The following ERO1B variants were observed in gnomAD, a reference collection of about 807,000 sequenced individuals.
The protein encoded by ERO1B is ERO1-like protein beta.
ERO1B carries 49 observed loss-of-function variants against 75.3 expected under a neutral mutation model. That is an observed-to-expected ratio of 0.65 (90% CI 0.52 to 0.83). The LOEUF is 0.83. ERO1B is among the 40% of genes least tolerant of loss of function. The probability of loss-of-function intolerance (pLI) is 0.00; values close to 1 mark genes in which losing one functional copy is unlikely to be tolerated. For synonymous variants in ERO1B, 191 were observed against 192.9 expected, an observed-to-expected ratio of 0.99 and a Z score of 0.08; for missense variants, 512 against 560.1, an observed-to-expected ratio of 0.91 and a Z score of 0.87.
chr1:236,220,088 A>T (rs1256494378), intron 15 of ERO1B: 1 of 150,186 alleles, frequency 6.7e-6, no homozygotes, highest in Admixed American at 6.6e-5. Flanking sequence ...TTTTAATTTA[A>T]CTGCTTCTTT....
rs1429068880 is a variant in ERO1B, at chr1:236,226,492, C to T, written c.829G>A (p.Gly277Arg). Residue 277 changes from glycine (G) to arginine (R), a missense_variant, in exon 12 of 16, where the codon GGA (glycine) becomes AGA (arginine). Gly to Arg is a moderately radical substitution (Grantham distance 125). Coordinates refer to ENST00000354619, the MANE Select transcript of ERO1B (RefSeq NM_019891.4). ...LEETWGKPSW[G>R]PNIKEFKHRF... is the part of the protein sequence containing the mutation. ...TGTTTGAATTCTTTAATATTAGGTC[C>T]CCAACTGGGCTTACCCCAGGTTTCT... 2 of 1,613,176 alleles carry T rather than the reference C, an allele frequency of 1.2e-6. No homozygotes were observed. The highest frequency in any genetic ancestry group is 1.1e-5 in the South Asian group (1 of 90,746).
intron 2 of ERO1B, among the ~76,000 whole-genome samples, chr1:236,255,099 TTTC>T (rs765502845): frequency 3.5e-4 from 48 of 135,702 alleles, no homozygotes; most frequent in Middle Eastern, 3.6e-3. Flanking sequence ...TTTTTTTTTC[TTTC>T]TTTTTTTTTT....
At position 236,226,342 on chromosome 1, in the gene ERO1B, C is replaced by T. The variant is rs755925193; in HGVS notation, c.979G>A (p.Asp327Asn). The stretch of plus-strand genomic sequence containing the variant: ...TCTTCTGCATTTCCAGTGTAAAGAT[C>T]GACAATTGAGCGCTCAAAATATGGA... ...VAPYFERSIV[D>N]LYTGNAEEDA... The change falls in exon 12 of 16, where the codon GAT (aspartate) becomes AAT (asparagine). Residue 327 changes from aspartate (D) to asparagine (N), a missense_variant. Asp to Asn is a conservative substitution (Grantham distance 23). Coordinates refer to ENST00000354619, the MANE Select transcript of ERO1B (RefSeq NM_019891.4). The T allele has an allele frequency of 1.1e-5, 17 of 1,613,896 alleles. No homozygotes were observed. The South Asian group carries it at 1.3e-4, about 13-fold the overall frequency.
rs1365131975 is a variant in ERO1B at position 236,221,921 on chromosome 1, T to C, written c.1209+3A>G. 5.0e-6 allele frequency: 8 copies of C among 1,608,510 alleles called. No individual in the cohort carries two copies. Among genetic ancestry groups the C allele is most frequent in the Non-Finnish European group, 6.8e-6 (8 of 1,175,206 alleles). On this transcript the variant is annotated splice_donor_region_variant and intron_variant, in intron 14 of 15. Coordinates refer to ENST00000354619, the MANE Select transcript of ERO1B (RefSeq NM_019891.4). ...GCTTCAAAAGAGAAGACAACACATA[T>C]ACCTGTAATTTTCCCCATAATCTGC...
At chr1:236,281,054 C>A (rs549422746) in intron 1 of ERO1B, among the ~76,000 whole-genome samples, 1 of 152,258 alleles carries the variant, frequency 6.6e-6, no homozygotes, top group Non-Finnish European at 1.5e-5. Flanking sequence ...CCCACTCAGA[C>A]CCCCCCAGTC....
intron 2 of ERO1B, among the ~76,000 whole-genome samples, chr1:236,260,944 T>C (rs913090870): frequency 6.6e-6 from 1 of 151,932 alleles, no homozygotes; most frequent in African/African-American, 2.4e-5. Flanking sequence ...TCCAAGAGCA[T>C]AGTAAAAAGA....
At chr1:236,251,496 G>A (rs1338837808) in intron 4 of ERO1B, 2 of 976,426 alleles carry the variant, frequency 2.0e-6, no homozygotes, top group Non-Finnish European at 2.4e-6. Context: ...AGAAGAAAAC[G>A]CAAAGGAGGC....
intron 2 of ERO1B, among the ~76,000 whole-genome samples, chr1:236,256,594 G>T (rs1049247438): frequency 6.6e-6 from 1 of 152,216 alleles, no homozygotes; most frequent in East Asian, 1.9e-4. Flanking sequence ...CTCCTGGCAT[G>T]CTTCAGTAAT....
rs774921054 is a variant in ERO1B at position 236,220,793 on chromosome 1, A to G, written c.1343+39T>C. 6.7e-6 allele frequency: 10 copies of G among 1,502,196 alleles called. 1 individual carries two copies. Among genetic ancestry groups the G allele is most frequent in the East Asian group, 2.4e-5 (1 of 41,514 alleles). 93.1% of individuals were successfully genotyped at this position (1,502,196 alleles called of 1,614,324 possible). ...TATCTTTGCAGTTTGTTGAAACCCA[A>G]TGGGAAATCAAAAATCTTCAACATA... On this transcript the variant is annotated intron_variant, in intron 15 of 15. Coordinates refer to ENST00000354619, the MANE Select transcript of ERO1B (RefSeq NM_019891.4).
At chr1:236,261,389 TAGAG>T (rs906668836) in intron 2 of ERO1B, among the ~76,000 whole-genome samples, 1 of 152,146 alleles carries the variant, frequency 6.6e-6, no homozygotes, top group Non-Finnish European at 1.5e-5. Flanking sequence ...CATGATCTCA[TAGAG>T]AGAAAACTTT....
chr1:236,257,685 T>C (rs7527802), intron 2 of ERO1B, among the ~76,000 whole-genome samples: 24,652 of 151,438 alleles, frequency 0.16, 2,174 homozygotes, highest in African/African-American at 0.22. Context: ...AGGAGTGCGA[T>C]GCATGAACAA....
At position 236,217,809 on chromosome 1, in the gene ERO1B, C is replaced by T. The variant is rs1306664478; in HGVS notation, c.*707G>A. The T allele has an allele frequency of 6.6e-6, 1 of 152,172 alleles. No individual in the cohort carries two copies. The highest frequency in any genetic ancestry group is 1.5e-5 in the Non-Finnish European group (1 of 68,024). The allele number at this position is 152,172 out of a possible 1,614,324, so 9.4% of individuals were successfully genotyped here. On this transcript the variant is annotated 3_prime_UTR_variant, in exon 16 of 16. Coordinates refer to ENST00000354619, the MANE Select transcript of ERO1B (RefSeq NM_019891.4). ...GGCCAGCCCATTACACACACAAAAT[C>T]TGGCTGGGTAGCATAGGGGAGAGGT...
chr1:236,227,578 C>T (rs1664308913), intron 10 of ERO1B, among the ~76,000 whole-genome samples: 1 of 152,170 alleles, frequency 6.6e-6, no homozygotes, highest in South Asian at 2.1e-4. Flanking sequence ...GGATACACGG[C>T]CATGAGCTTT....
intron 4 of ERO1B, 31 bp downstream of exon 4, chr1:236,252,019 C>G (rs956275346): frequency 1.1e-5 from 16 of 1,493,632 alleles, no homozygotes; most frequent in Non-Finnish European, 1.5e-5. Flanking sequence ...CAATGTAAAG[C>G]AGAAACACTC....
At chr1:236,259,877 A>C (rs1038677740) in intron 2 of ERO1B, among the ~76,000 whole-genome samples, 2 of 152,172 alleles carry the variant, frequency 1.3e-5, no homozygotes, top group Admixed American at 1.3e-4. Flanking sequence ...CTTTAGACCA[A>C]ATGGCCCTAC....
At chr1:236,262,428 G>A (rs1665313500) in intron 2 of ERO1B, among the ~76,000 whole-genome samples, 1 of 151,872 alleles carries the variant, frequency 6.6e-6, no homozygotes, top group Non-Finnish European at 1.5e-5. Flanking sequence ...TTTGAGACAG[G>A]GTCTCACTCT....
chr1:236,221,712 C>A, intron 14 of ERO1B: 1 of 481,540 alleles, frequency 2.1e-6, no homozygotes, highest in East Asian at 3.9e-5. Context: ...CACAATAAAA[C>A]TAAAATCACT....
In ERO1B at chr1:236,281,683, T is replaced by G. The variant is rs752352327; in HGVS notation, c.101A>C (p.Gln34Pro). 15 of 1,476,004 alleles carry G rather than the reference T, an allele frequency of 1.0e-5. No individual in the cohort carries two copies. The East Asian group carries it at 3.6e-4, about 35-fold the overall frequency. The allele number at this position is 1,476,004 out of a possible 1,614,324, so 91.4% of individuals were successfully genotyped here. ...LSFLRSVVEA[Q>P]VTGVLDDCLC... is the part of the protein sequence containing the mutation. ...CGGCCCGCTATCACTCGGGCTTACCTGCGCCTCGACGACGCTCCGCAGGAA... is the reference window on the plus strand; with the variant it reads ...CGGCCCGCTATCACTCGGGCTTACCGGCGCCTCGACGACGCTCCGCAGGAA... Residue 34 changes from glutamine (Q) to proline (P), a missense_variant and splice_region_variant, in exon 1 of 16, where the codon CAG becomes CCG. Gln to Pro is a moderately conservative substitution (Grantham distance 76). Coordinates refer to ENST00000354619, the MANE Select transcript of ERO1B (RefSeq NM_019891.4).
intron 8 of ERO1B, among the ~76,000 whole-genome samples, chr1:236,235,347 G>A (rs1291119772): frequency 2.0e-5 from 3 of 152,168 alleles, no homozygotes; most frequent in Non-Finnish European, 4.4e-5. Context: ...CTGAAGTCTA[G>A]AAGCACTGTT....
Sources: gnomAD v4.1 joint callset for allele counts (sites outside exome capture counted in the v4.1 genomes callset) on GRCh38, gnomAD v4.1.1 for gene constraint, MANE v1.5 for transcripts, NCBI Gene and HGNC (gene_info 2026-07-23, HGNC 2026-07-21) for gene names.